GMDS: variants seen among roughly 807,000 people sequenced by gnomAD.
GMDS encodes the protein GDP-mannose 4,6-dehydratase, also known as GDP-mannose 4,6 dehydratase.
Under a neutral mutation model 49.9 loss-of-function variants are expected in GMDS, and 20 were observed. The ratio of observed to expected loss-of-function variants is 0.40; its 90% confidence interval spans 0.28 to 0.58. The LOEUF (loss-of-function observed/expected upper bound fraction) is 0.58, where lower values mean the gene tolerates loss of function less well. Ranked by LOEUF, GMDS falls within the 20% of genes least tolerant of loss-of-function variation. GMDS has a pLI of 0.42. For synonymous variants in GMDS, 177 were observed against 178.6 expected (o/e 0.99, Z 0.07); for missense variants, 362 against 481.4 (o/e 0.75, Z 2.32).
chr6:1,709,013 T>C (rs571091918), intron 9 of GMDS, among the ~76,000 whole-genome samples: 32 of 152,348 alleles, frequency 2.1e-4, no homozygotes, highest in African/African-American at 7.2e-4. Flanking sequence ...AGGGTGCAGC[T>C]GTCTGATGTC....
chr6:1,858,814 G>A (rs1253736319), intron 7 of GMDS, among the ~76,000 whole-genome samples: 1 of 152,092 alleles, frequency 6.6e-6, no homozygotes. Flanking sequence ...TAATAAAAAC[G>A]ACAATTTTTG....
At chr6:1,845,324 C>G (rs746078365) in intron 7 of GMDS, among the ~76,000 whole-genome samples, 4 of 152,142 alleles carry the variant, frequency 2.6e-5, no homozygotes, top group Non-Finnish European at 5.9e-5. Context: ...CAACATTGTA[C>G]TTATGCTTTT....
chr6:1,943,197 C>T (rs1348854019), intron 6 of GMDS, among the ~76,000 whole-genome samples: 1 of 152,224 alleles, frequency 6.6e-6, no homozygotes, highest in African/African-American at 2.4e-5. Flanking sequence ...TTCTCCTTCT[C>T]TGGACGGCCC....
At chr6:1,832,927 A>G in intron 7 of GMDS, among the ~76,000 whole-genome samples, 1 of 152,126 alleles carries the variant, frequency 6.6e-6, no homozygotes, top group Non-Finnish European at 1.5e-5. Context: ...GCCACTTTCC[A>G]GATCACATAT....
At chr6:1,909,136 T>C (rs1202594037) in intron 7 of GMDS, among the ~76,000 whole-genome samples, 1 of 152,210 alleles carries the variant, frequency 6.6e-6, no homozygotes, top group Admixed American at 6.5e-5. Flanking sequence ...ATATCATACA[T>C]CTTGATGAAA....
chr6:2,045,327 A>G (rs1769933695), intron 4 of GMDS, among the ~76,000 whole-genome samples: 1 of 151,730 alleles, frequency 6.6e-6, no homozygotes, highest in South Asian at 2.1e-4. Context: ...AAATTCATTA[A>G]TTATATTGTT....
intron 4 of GMDS, among the ~76,000 whole-genome samples, chr6:2,065,309 C>A (rs902633365): frequency 1.3e-5 from 2 of 152,136 alleles, no homozygotes; most frequent in Non-Finnish European, 2.9e-5. Context: ...TAGATAAAAC[C>A]ACAAAGACGG....
chr6:1,734,323 G>A (rs574631621), intron 8 of GMDS, among the ~76,000 whole-genome samples: 38 of 152,194 alleles, frequency 2.5e-4, no homozygotes, highest in South Asian at 1.5e-3. Flanking sequence ...CATGTAGAAG[G>A]CACTTCTTAA....
chr6:1,715,057 C>T (rs1407016940), intron 9 of GMDS, among the ~76,000 whole-genome samples: 1 of 151,956 alleles, frequency 6.6e-6, no homozygotes, highest in East Asian at 1.9e-4. Flanking sequence ...ATAAGAGTTT[C>T]AGAACAGATG....
At chr6:2,023,885 T>C (rs1419389821) in intron 4 of GMDS, among the ~76,000 whole-genome samples, 1 of 152,034 alleles carries the variant, frequency 6.6e-6, no homozygotes, top group Non-Finnish European at 1.5e-5. Context: ...AAAGGTTACA[T>C]AGGAAAGAAA....
chr6:2,060,827 C>T (rs376645286), intron 4 of GMDS, among the ~76,000 whole-genome samples: 3 of 152,004 alleles, frequency 2.0e-5, no homozygotes, highest in East Asian at 3.9e-4. Flanking sequence ...CAAGAACATC[C>T]TGGCCAACAT....
At chr6:1,814,740 A>AAT (rs967129062) in intron 7 of GMDS, among the ~76,000 whole-genome samples, 47 of 152,212 alleles carry the variant, frequency 3.1e-4, no homozygotes, top group Admixed American at 2.0e-3. Flanking sequence ...TGTGTACGTA[A>AAT]ATATATATAT....
chr6:2,059,024 A>C (rs1770947328), intron 4 of GMDS, among the ~76,000 whole-genome samples: 1 of 151,736 alleles, frequency 6.6e-6, no homozygotes, highest in Non-Finnish European at 1.5e-5. Flanking sequence ...AAAAACACAA[A>C]AATTAGCTGG....
intron 8 of GMDS, among the ~76,000 whole-genome samples, chr6:1,741,791 A>AAG (rs1767279616): frequency 7.2e-6 from 1 of 139,426 alleles, no homozygotes; most frequent in Non-Finnish European, 1.6e-5. Context: ...CAGCCTGAGC[A>AAG]ACAGAGCAAG....
At chr6:1,954,420 G>C (rs570192318) in intron 6 of GMDS, among the ~76,000 whole-genome samples, 2 of 152,324 alleles carry the variant, frequency 1.3e-5, no homozygotes, top group African/African-American at 4.8e-5. Flanking sequence ...TGCAATCACT[G>C]ACTCTTCCTT....
intron 7 of GMDS, among the ~76,000 whole-genome samples, chr6:1,754,466 AC>A (rs1205310281): frequency 6.6e-6 from 1 of 152,254 alleles, no homozygotes; most frequent in African/African-American, 2.4e-5. Flanking sequence ...AGGAGCTGGT[AC>A]CATTCCTTCT....
chr6:1,892,136 T>G (rs1759899425), intron 7 of GMDS, among the ~76,000 whole-genome samples: 1 of 152,274 alleles, frequency 6.6e-6, no homozygotes, highest in Middle Eastern at 3.4e-3. Flanking sequence ...GTAGCACCTA[T>G]TATTAAAGTA....
intron 7 of GMDS, among the ~76,000 whole-genome samples, chr6:1,812,350 A>C (rs1297307261): frequency 6.6e-6 from 1 of 152,172 alleles, no homozygotes; most frequent in East Asian, 1.9e-4. Flanking sequence ...TTCAGTCCAT[A>C]AACTAGGACC....
chr6:2,202,715 C>T (rs540985341), intron 1 of GMDS, among the ~76,000 whole-genome samples: 1 of 152,224 alleles, frequency 6.6e-6, no homozygotes, highest in South Asian at 2.1e-4. Context: ...GACATGATGC[C>T]ACGTCTGTTG....
Sources: gnomAD v4.1 joint callset for allele counts (sites outside exome capture counted in the v4.1 genomes callset) on GRCh38, gnomAD v4.1.1 for gene constraint, MANE v1.5 for transcripts, NCBI Gene and HGNC (gene_info 2026-07-23, HGNC 2026-07-21) for gene names.